OLA1: variants seen among roughly 807,000 people sequenced by gnomAD.
OLA1 encodes obg-like ATPase 1.
A neutral mutation model predicts 48.4 loss-of-function variants in OLA1; 14 were observed. The ratio of observed to expected loss-of-function variants is 0.29; its 90% CI spans 0.19 to 0.45. The LOEUF is 0.45. Ranked by LOEUF, OLA1 falls within the 20% of genes least tolerant of loss-of-function variation. OLA1 has a pLI of 1.00. For synonymous variants in OLA1, 127 were observed against 150.4 expected, an observed-to-expected ratio of 0.84 and a Z score of 1.14; for missense variants, 325 against 467.1, an observed-to-expected ratio of 0.70 and a Z score of 2.80.
intron 10 of OLA1, among the ~76,000 whole-genome samples, chr2:174,076,128 G>A (rs551593204): frequency 5.3e-5 from 8 of 152,302 alleles, no homozygotes; most frequent in African/African-American, 1.4e-4. Context: ...GTTACAAGGA[G>A]ACTCTAACAG....
chr2:174,175,806 TCCA>T (rs771984857), intron 4 of OLA1, among the ~76,000 whole-genome samples: 87 of 152,120 alleles, frequency 5.7e-4, no homozygotes, highest in Admixed American at 3.8e-3. Context: ...AATTCAAATG[TCCA>T]CCAGTTAATG....
chr2:174,104,603 T>C (rs115388539), intron 7 of OLA1, among the ~76,000 whole-genome samples: 1 of 152,148 alleles, frequency 6.6e-6, no homozygotes, highest in Non-Finnish European at 1.5e-5. Context: ...CATAACTACT[T>C]AAAATACAAT....
intron 2 of OLA1, among the ~76,000 whole-genome samples, chr2:174,246,265 A>G (rs1689125686): frequency 6.6e-6 from 1 of 151,628 alleles, no homozygotes; most frequent in African/African-American, 2.4e-5. Context: ...ATGCCACTGC[A>G]TTCCAGCCTG....
Position 174,073,350 on chromosome 2 carries a change from T to G in OLA1, c.*2076A>C, listed in dbSNP as rs1425765405. On this transcript the variant is annotated 3_prime_UTR_variant, in exon 11 of 11. Transcript: ENST00000284719. ...TGATTAAGATGGAGCTACAGATACA[T>G]GCAAAAATATTTACATAACATCCTA... 1.3e-5 allele frequency: 2 copies of G among 152,114 alleles called. No homozygotes were observed. Among genetic ancestry groups the G allele is most frequent in the Non-Finnish European group, 2.9e-5 (2 of 68,014 alleles). The allele number at this position is 152,114 out of a possible 1,614,324, so 9.4% of individuals were successfully genotyped here.
At chr2:174,179,885 G>A (rs1349753299) in intron 4 of OLA1, among the ~76,000 whole-genome samples, 1 of 151,884 alleles carries the variant, frequency 6.6e-6, no homozygotes, top group Non-Finnish European at 1.5e-5. Flanking sequence ...CACATAATGA[G>A]AACCAGAAAT....
chr2:174,194,663 C>A (rs1413096841), intron 4 of OLA1, among the ~76,000 whole-genome samples: 1 of 152,142 alleles, frequency 6.6e-6, no homozygotes, highest in Non-Finnish European at 1.5e-5. Flanking sequence ...ACTCAAACCC[C>A]CATATTCTCC....
At chr2:174,122,627 A>G (rs984216718) in intron 7 of OLA1, among the ~76,000 whole-genome samples, 1 of 152,168 alleles carries the variant, frequency 6.6e-6, no homozygotes, top group South Asian at 2.1e-4. Flanking sequence ...CAAATCTTGT[A>G]CATTTTGGTT....
chr2:174,114,341 CAAAAAAAAAAAAAAAAAAAAA>C (rs76471043), intron 7 of OLA1, among the ~76,000 whole-genome samples: 2 of 60,648 alleles, frequency 3.3e-5, no homozygotes, highest in African/African-American at 8.9e-5. Flanking sequence ...GACTCCGCCT[CAAAAAAAAAAAAAAAAAAAAA>C]AAAAAAAAAA....
intron 3 of OLA1, among the ~76,000 whole-genome samples, chr2:174,225,653 A>G (rs1688600414): frequency 6.6e-6 from 1 of 152,216 alleles, no homozygotes; most frequent in Non-Finnish European, 1.5e-5. Flanking sequence ...TTTTCTTTAT[A>G]AATTACCCAG....
intron 4 of OLA1, among the ~76,000 whole-genome samples, chr2:174,203,366 G>T (rs1048370683): frequency 6.6e-6 from 1 of 151,842 alleles, no homozygotes; most frequent in African/African-American, 2.4e-5. Context: ...AATTCGTAAA[G>T]ATTAACTGCA....
intron 3 of OLA1, among the ~76,000 whole-genome samples, chr2:174,223,765 CAAAAA>C (rs71021680): frequency 1.4e-3 from 102 of 73,334 alleles, no homozygotes; most frequent in African/African-American, 4.8e-3. Flanking sequence ...GTTATATAGA[CAAAAA>C]AAAAAAAAAA....
In OLA1 at chr2:174,246,733, A is replaced by G. The variant is rs1689134383; in HGVS notation, c.83T>C (p.Val28Ala). The change falls in exon 2 of 11, where the codon GTT becomes GCT. Residue 28 changes from valine to alanine, a missense_variant. Transcript: ENST00000284719. ...CACCTACCCAACATTTGGCAATCCA[A>G]CAATACCAATTTTCAGTGAGGTTCC... ...RFGTSLKIGI[V>A]GLPNVGKSTF... The G allele has an allele frequency of 5.0e-6, 8 of 1,609,806 alleles. No individual in the cohort carries two copies. Among genetic ancestry groups the G allele is most frequent in the Non-Finnish European group, 5.9e-6 (7 of 1,177,040 alleles).
chr2:174,100,978 A>G (rs564169133), intron 7 of OLA1, among the ~76,000 whole-genome samples: 1 of 152,212 alleles, frequency 6.6e-6, no homozygotes, highest in South Asian at 2.1e-4. Context: ...TAAGGCTGCT[A>G]CTCTGTGTAG....
Position 174,179,558 on chromosome 2 carries a change from CAT to C in OLA1, c.374-37560_374-37559del, listed in dbSNP as rs1008614023. Among the ~76,000 whole-genome samples the C allele has an allele frequency of 5.9e-5, 9 of 152,056 alleles. No homozygotes were observed. The South Asian group carries it at 1.2e-3, about 21-fold the overall frequency. On this transcript the variant is annotated intron_variant, in intron 4 of 10. Coordinates refer to ENST00000284719, the MANE Select transcript of OLA1 (RefSeq NM_013341.5). ...ATTATCTGAAAAACAGAAAAAGACT[CAT>C]GTGGGATAAACATATAAAGGTTTTT...
chr2:174,112,718 C>A (rs1425323122), intron 7 of OLA1, among the ~76,000 whole-genome samples: 1 of 152,154 alleles, frequency 6.6e-6, no homozygotes, highest in Non-Finnish European at 1.5e-5. Flanking sequence ...CCACTTGTTT[C>A]TGCCTTCTGC....
At chr2:174,148,853 T>C (rs544872393) in intron 4 of OLA1, among the ~76,000 whole-genome samples, 2 of 152,326 alleles carry the variant, frequency 1.3e-5, no homozygotes, top group African/African-American at 4.8e-5. Context: ...CCAAGGAAGT[T>C]TGCACCATAG....
At chr2:174,235,812 C>T (rs1429488101) in intron 2 of OLA1, among the ~76,000 whole-genome samples, 1 of 152,154 alleles carries the variant, frequency 6.6e-6, no homozygotes, top group Non-Finnish European at 1.5e-5. Context: ...TAAATTCAAT[C>T]ACTACAAGTC....
intron 7 of OLA1, among the ~76,000 whole-genome samples, chr2:174,094,382 C>T (rs535971303): frequency 3.9e-5 from 6 of 152,268 alleles, no homozygotes; most frequent in African/African-American, 1.4e-4. Flanking sequence ...AGATTCAATG[C>T]AATTCTTTTC....
intron 4 of OLA1, among the ~76,000 whole-genome samples, chr2:174,151,067 G>A (rs1686734999): frequency 6.6e-6 from 1 of 152,024 alleles, no homozygotes; most frequent in African/African-American, 2.4e-5. Context: ...GGGCATGGAG[G>A]ATAGGGAAGT....
Sources: allele counts gnomAD v4.1 joint callset (sites outside exome capture counted in the v4.1 genomes callset), GRCh38; gene constraint gnomAD v4.1.1; transcripts MANE v1.5; gene names NCBI Gene and HGNC (gene_info 2026-07-23, HGNC 2026-07-21).